Variants in EMILIN1 observed in about 807,000 individuals in gnomAD.
EMILIN1 encodes the protein EMILIN-1.
In EMILIN1, 49 loss-of-function variants were observed where a neutral mutation model predicts 82.4. The observed-to-expected ratio is 0.59, with a 90% CI of 0.47 to 0.75. The LOEUF is 0.75. EMILIN1 is among the 30% of genes least tolerant of loss of function. The pLI, the probability that EMILIN1 is intolerant of heterozygous loss-of-function variation, is 0.00. For missense variants in EMILIN1, 1,313 were observed against 1,366.4 expected, an observed-to-expected ratio of 0.96 and a Z score of 0.62; for synonymous variants, 604 against 602.2, an observed-to-expected ratio of 1.00 and a Z score of -0.04.
At position 27,082,471 on chromosome 2, in the gene EMILIN1, G is replaced by A; in HGVS notation, c.900G>A (p.Glu300=). Residue 300 remains glutamate (E), a synonymous_variant, in exon 4 of 8, where the codon GAG becomes GAA. Transcript: ENST00000380320. ...LLRQLEQRLQ[E]SCSVCLAGLD... ...GGCAGCTGGAGCAGCGGTTGCAGGAGTCCTGCTCCGTGTGCCTGGCCGGGC... is the reference window on the plus strand; with the variant it reads ...GGCAGCTGGAGCAGCGGTTGCAGGAATCCTGCTCCGTGTGCCTGGCCGGGC... 6.4e-7 allele frequency: 1 copy of A among 1,560,192 alleles called. No individual in the cohort carries two copies. The highest frequency in any genetic ancestry group is 8.7e-7 in the Non-Finnish European group (1 of 1,155,076).
Position 27,082,751 on chromosome 2 carries a change from G to A in EMILIN1, c.1180G>A (p.Gly394Arg). Residue 394 changes from glycine (G) to arginine (R), a missense_variant, in exon 4 of 8, where the codon GGA becomes AGA. By Grantham distance (125) the Gly-to-Arg change is moderately radical (BLOSUM62 -2). Coordinates refer to ENST00000380320, the MANE Select transcript of EMILIN1 (RefSeq NM_007046.4). ...AGAGCTGGGAGGAGCCGCGGGGCAG[G>A]GAGGCCACCCCCCAGGCTACACCAG... ...GTELGGAAGQ[G>R]GHPPGYTSLA... is the part of the protein sequence containing the mutation. The A allele has an allele frequency of 1.9e-6, 3 of 1,541,586 alleles. No homozygotes were observed. Among genetic ancestry groups the A allele is most frequent in the Non-Finnish European group, 2.6e-6 (3 of 1,149,638 alleles).
chr2:27,080,819 C>A lies in EMILIN1; in HGVS notation c.378C>A (p.Gly126=), dbSNP rs937788712. 1 of 1,613,472 alleles carries A rather than the reference C, an allele frequency of 6.2e-7. No individual in the cohort carries two copies. Among genetic ancestry groups the A allele is most frequent in the Admixed American group, 1.7e-5 (1 of 59,986 alleles). The change falls in exon 3 of 8, where the codon GGC becomes GGA. Residue 126 remains glycine (G), a synonymous_variant. Transcript: ENST00000380320. ...GGAGGTGCTGTCAGGGTTATGGGGG[C>A]GATGACTGTGCTGAGAGTCCCGCTC... ...MEWRCCQGYG[G]DDCAESPAPA...
At chr2:27,080,022 C>A in intron 1 of EMILIN1, 129 bp from the exon 2 acceptor site, 1 of 1,037,008 alleles carries the variant, frequency 9.6e-7, no homozygotes, top group Non-Finnish European at 1.4e-6. Flanking sequence ...GATGCCAAAG[C>A]CCTTGCTCTC....
Position 27,082,548 on chromosome 2 carries a change from T to C in EMILIN1, c.977T>C (p.Met326Thr). ...GAGGACAGGGAGCGGCTGCGAGCGA[T>C]GGAGAAGCTGCTGGCCTCGGTGGAG... Reference protein sequence around the residue: ...QQEDRERLRAMEKLLASVEER... With the variant: ...QQEDRERLRATEKLLASVEER... The change falls in exon 4 of 8, where the codon ATG (methionine) becomes ACG (threonine). Residue 326 changes from methionine (M) to threonine (T), a missense_variant. Transcript: ENST00000380320. The C allele has an allele frequency of 6.5e-7, 1 of 1,543,014 alleles. No individual in the cohort carries two copies. Among genetic ancestry groups the C allele is most frequent in the Non-Finnish European group, 8.7e-7 (1 of 1,144,520 alleles).
Position 27,083,359 on chromosome 2 carries a change from G to A in EMILIN1, c.1788G>A (p.Arg596=). Residue 596 remains arginine, a synonymous_variant, in exon 4 of 8, where the codon CGG becomes CGA. Coordinates refer to ENST00000380320, the MANE Select transcript of EMILIN1 (RefSeq NM_007046.4). ...TCCAAGAGGAACTAGGCCGCCTTCG[G>A]GATGGTGTGGAGCGCTGCTCCTGCC... is the stretch of plus-strand genomic sequence containing the variant. ...GGVQEELGRL[R]DGVERCSCPL... The A allele has an allele frequency of 6.2e-7, 1 of 1,612,838 alleles. No homozygotes were observed. Among genetic ancestry groups the A allele is most frequent in the African/African-American group, 1.3e-5 (1 of 75,062 alleles).
At position 27,084,431 on chromosome 2, in the gene EMILIN1, T is replaced by TGGGCCCCCA; in HGVS notation, c.2463_2471dup (p.Pro824_Gly826dup). On this transcript the variant is annotated inframe_insertion, in exon 5 of 8. Transcript: ENST00000380320. Reference sequence around the variant, plus strand: ...TCACTGTAGGGCCTGCAGGAGAGGCTGGGCCCCCAGGGCCTCCTGGGCTGC... The same window carrying TGGGCCCCCA: ...TCACTGTAGGGCCTGCAGGAGAGGCTGGGCCCCCAGGGCCCCCAGGGCCTCCTGGGCTGC... 6.2e-7 allele frequency: 1 copy of TGGGCCCCCA among 1,609,202 alleles called. No homozygotes were observed. Among genetic ancestry groups the TGGGCCCCCA allele is most frequent in the South Asian group, 1.1e-5 (1 of 91,018 alleles).
At position 27,085,975 on chromosome 2, in the gene EMILIN1, G is replaced by A; in HGVS notation, c.3011G>A (p.Gly1004Glu). The A allele has an allele frequency of 6.7e-7, 1 of 1,497,266 alleles. No homozygotes were observed. Among genetic ancestry groups the A allele is most frequent in the Non-Finnish European group, 9.0e-7 (1 of 1,115,146 alleles). 92.7% of individuals were successfully genotyped at this position (1,497,266 alleles called of 1,614,324 possible). Residue 1004 changes from glycine to glutamate, a missense_variant, in exon 8 of 8, where the codon GGG becomes GAG. Physicochemically the swap from Gly to Glu is moderately conservative, Grantham distance 98 (BLOSUM62 -2). Coordinates refer to ENST00000380320, the MANE Select transcript of EMILIN1 (RefSeq NM_007046.4). Reference sequence around the variant, plus strand: ...GAGGAGCCGCTCACCATCTTCAGCGGGGCCCTGCTCTATGGGGACCCAGAG... The same window carrying A: ...GAGGAGCCGCTCACCATCTTCAGCGAGGCCCTGCTCTATGGGGACCCAGAG... ...HSEEPLTIFS[G>E]ALLYGDPELE...
intron 4 of EMILIN1, 122 bp from the exon 5 acceptor site, chr2:27,084,293 C>T (rs1288382588): frequency 2.7e-6 from 2 of 730,304 alleles, no homozygotes; most frequent in Non-Finnish European, 4.8e-6. Context: ...ATGGCCCCCT[C>T]AGCCTGCAAA....
Position 27,084,532 on chromosome 2 carries a change from G to C in EMILIN1, c.2557+1G>C. ...CAAGAGGGCCCCATCGGGCCACCAG[G>C]TATGTGCACTGAGACCCTTGCTGCA... On this transcript the variant is annotated splice_donor_variant, in intron 5 of 7. Coordinates refer to ENST00000380320, the MANE Select transcript of EMILIN1 (RefSeq NM_007046.4). LOFTEE classifies it high-confidence loss of function. The C allele has an allele frequency of 6.3e-7, 1 of 1,589,986 alleles. No individual in the cohort carries two copies. The highest frequency in any genetic ancestry group is 8.6e-7 in the Non-Finnish European group (1 of 1,158,702).
chr2:27,080,032 C>T (rs1669446124), intron 1 of EMILIN1, 119 bp from the exon 2 acceptor site: 3 of 1,170,242 alleles, frequency 2.6e-6, no homozygotes, highest in Non-Finnish European at 3.7e-6. Flanking sequence ...CCCTTGCTCT[C>T]ACTGATCCCC....
rs1408150867 is a variant in EMILIN1 at position 27,083,918 on chromosome 2, C to A, written c.2347C>A (p.Gln783Lys). 2 of 1,606,036 alleles carry A rather than the reference C, an allele frequency of 1.2e-6. No individual in the cohort carries two copies. The highest frequency in any genetic ancestry group is 3.4e-5 in the Admixed American group (2 of 59,476). ...AALLEKLVGG[Q>K]AGLGRRLGAL... ...CCTGCTGGAGAAGCTGGTCGGGGGA[C>A]AGGCGGGCCTGGGCAGGCGGCTGGG... The change falls in exon 4 of 8, where the codon CAG becomes AAG. Residue 783 changes from glutamine to lysine, a missense_variant. Physicochemically the swap from Gln to Lys is moderately conservative, Grantham distance 53. Coordinates refer to ENST00000380320, the MANE Select transcript of EMILIN1 (RefSeq NM_007046.4).
intron 6 of EMILIN1, 61 bp from the exon 7 acceptor site, chr2:27,085,099 G>A: frequency 1.2e-6 from 2 of 1,613,438 alleles, no homozygotes; most frequent in Non-Finnish European, 1.7e-6. Flanking sequence ...GGATCCAGCA[G>A]GGGAAGGGGG....
rs200873278 is a variant in EMILIN1, at chr2:27,082,716, G to T, written c.1145G>T (p.Arg382Leu). ...VAGSVTVLSG[R>L]RGTELGGAAG... is the part of the protein sequence containing the mutation. The stretch of plus-strand genomic sequence containing the variant: ...GGCTCAGTGACAGTGCTGAGTGGGC[G>T]GCGAGGCACAGAGCTGGGAGGAGCC... Residue 382 changes from arginine to leucine, a missense_variant, in exon 4 of 8, where the codon CGG becomes CTG. Transcript: ENST00000380320. 3.9e-6 allele frequency: 6 copies of T among 1,550,950 alleles called. No homozygotes were observed. The highest frequency in any genetic ancestry group is 5.2e-6 in the Non-Finnish European group (6 of 1,152,962).
intron 7 of EMILIN1, among the ~76,000 whole-genome samples, 157 bp downstream of exon 7, chr2:27,085,454 G>T (rs1669591374): frequency 6.6e-6 from 1 of 152,250 alleles, no homozygotes; most frequent in Non-Finnish European, 1.5e-5. Flanking sequence ...AGGCAGTGGG[G>T]AGAAGAAGTA....
intron 7 of EMILIN1, 73 bp from the exon 8 acceptor site, chr2:27,085,605 C>T: frequency 1.4e-6 from 2 of 1,397,362 alleles, no homozygotes; most frequent in Non-Finnish European, 9.8e-7. Context: ...CAGAGGGTCC[C>T]TCCTCAGTCC....
chr2:27,082,164 T>C lies in EMILIN1; in HGVS notation c.593T>C (p.Val198Ala). The change falls in exon 4 of 8, where the codon GTC becomes GCC. Residue 198 changes from valine (V) to alanine (A), a missense_variant. By Grantham distance (64) the Val-to-Ala change is moderately conservative. Coordinates refer to ENST00000380320, the MANE Select transcript of EMILIN1 (RefSeq NM_007046.4). The part of the protein sequence containing the change: ...LTKELQGLRG[V>A]LQGLSGRLAE... Reference sequence around the variant, plus strand: ...AAGGAGCTGCAAGGCCTGCGGGGCGTCCTGCAAGGACTGAGCGGGCGCCTG... The same window carrying C: ...AAGGAGCTGCAAGGCCTGCGGGGCGCCCTGCAAGGACTGAGCGGGCGCCTG... 1 of 1,613,700 alleles carries C rather than the reference T, an allele frequency of 6.2e-7. No homozygotes were observed.
In EMILIN1 at chr2:27,083,274, G is replaced by A; in HGVS notation, c.1703G>A (p.Gly568Asp). ...CTGAATCTCACTGCGGCCCGGCTAGGCCAACTGGAGGGGCTGCTGCAGGCC... is the reference window on the plus strand; with the variant it reads ...CTGAATCTCACTGCGGCCCGGCTAGACCAACTGGAGGGGCTGCTGCAGGCC... ...LRLNLTAARL[G>D]QLEGLLQAHG... The change falls in exon 4 of 8, where the codon GGC becomes GAC. Residue 568 changes from glycine (G) to aspartate (D), a missense_variant. Physicochemically the swap from Gly to Asp is moderately conservative, Grantham distance 94. Transcript: ENST00000380320. 6.2e-7 allele frequency: 1 copy of A among 1,613,014 alleles called. No homozygotes were observed. Among genetic ancestry groups the A allele is most frequent in the Non-Finnish European group, 8.5e-7 (1 of 1,179,606 alleles).
chr2:27,083,534 A>C lies in EMILIN1; in HGVS notation c.1963A>C (p.Ser655Arg), dbSNP rs201549569. The change falls in exon 4 of 8, where the codon AGC becomes CGC. Residue 655 changes from serine to arginine, a missense_variant. Ser to Arg is a moderately radical substitution (Grantham distance 110, BLOSUM62 -1). Transcript: ENST00000380320. ...GCTCTCTGAGGTTATTCTCAGCTTC[A>C]GCTCCCTCAATGACTCACTGAATGA... Reference protein sequence around the residue: ...GELSEVILSFSSLNDSLNELQ... With the variant: ...GELSEVILSFRSLNDSLNELQ... 2 of 1,613,946 alleles carry C rather than the reference A, an allele frequency of 1.2e-6. No homozygotes were observed. Among genetic ancestry groups the C allele is most frequent in the Admixed American group, 1.7e-5 (1 of 60,002 alleles).
In EMILIN1 at chr2:27,082,509, G is replaced by A. The variant is rs200036857; in HGVS notation, c.938G>A (p.Arg313His). The A allele has an allele frequency of 5.6e-4, 865 of 1,545,684 alleles. 9 individuals carry two copies. The highest frequency in any genetic ancestry group is 6.9e-4 in the Middle Eastern group (4 of 5,796). ...TGCCTGGCCGGGCTAGATGGCTTCC[G>A]CCGGCAGCAGCAGGAGGACAGGGAG... is the stretch of plus-strand genomic sequence containing the variant. ...SVCLAGLDGF[R>H]RQQQEDRERL... The change falls in exon 4 of 8, where the codon CGC becomes CAC. Residue 313 changes from arginine (R) to histidine (H), a missense_variant. Physicochemically the swap from Arg to His is conservative, Grantham distance 29. Coordinates refer to ENST00000380320, the MANE Select transcript of EMILIN1 (RefSeq NM_007046.4).
Sources: gnomAD v4.1 joint callset for allele counts (sites outside exome capture counted in the v4.1 genomes callset) on GRCh38, gnomAD v4.1.1 for gene constraint, MANE v1.5 for transcripts, NCBI Gene and HGNC (gene_info 2026-07-23, HGNC 2026-07-21) for gene names.